Variants in TECPR2 observed in about 807,000 individuals in gnomAD.
The protein encoded by TECPR2 is tectonin beta-propeller repeat containing 2.
Under a neutral mutation model 138.1 loss-of-function variants are expected in TECPR2, and 65 were observed. The observed-to-expected ratio is 0.47, with a 90% CI of 0.39 to 0.58. TECPR2 has a LOEUF of 0.58. Ranked by LOEUF, TECPR2 falls within the 20% of genes least tolerant of loss-of-function variation. The pLI is 0.00. For missense variants in TECPR2, 1,553 were observed against 1,824.5 expected, an observed-to-expected ratio of 0.85 and a Z score of 2.71; for synonymous variants, 746 against 749.8, an observed-to-expected ratio of 0.99 and a Z score of 0.08.
At chr14:102,418,108 AAG>A (rs775219001) in intron 5 of TECPR2, among the ~76,000 whole-genome samples, 2 of 152,102 alleles carry the variant, frequency 1.3e-5, no homozygotes, top group Non-Finnish European at 2.9e-5. Context: ...GGAGTCGCAG[AAG>A]AGAGTTCTGT....
Position 102,498,981 on chromosome 14 carries a change from C to T in TECPR2, c.*724C>T. On this transcript the variant is annotated 3_prime_UTR_variant, in exon 20 of 20. Coordinates refer to ENST00000359520, the MANE Select transcript of TECPR2 (RefSeq NM_014844.5). ...ACACCTCACCACACAACACACCACACCCCACACCGCACTGCACCGCACCGC... is the reference window on the plus strand; with the variant it reads ...ACACCTCACCACACAACACACCACATCCCACACCGCACTGCACCGCACCGC... 1.4e-6 allele frequency: 1 copy of T among 697,876 alleles called. No individual in the cohort carries two copies. Among genetic ancestry groups the T allele is most frequent in the Non-Finnish European group, 2.6e-6 (1 of 382,404 alleles). 43.2% of individuals were successfully genotyped at this position (697,876 alleles called of 1,614,324 possible). A position where few individuals can be genotyped will look rare whatever the true frequency, so the allele number is the denominator to read the frequency against.
intron 17 of TECPR2, among the ~76,000 whole-genome samples, chr14:102,487,783 C>T (rs528431433): frequency 4.4e-4 from 67 of 151,842 alleles, no homozygotes; most frequent in African/African-American, 1.4e-3. Flanking sequence ...CCTCGTGATC[C>T]GCCCACCTCG....
chr14:102,366,876 G>A (rs770201297), intron 1 of TECPR2, among the ~76,000 whole-genome samples: 1 of 152,220 alleles, frequency 6.6e-6, no homozygotes, highest in Non-Finnish European at 1.5e-5. Context: ...ACATATGATA[G>A]AGGAAAGAAG....
At chr14:102,379,618 C>G (rs187522290) in intron 2 of TECPR2, among the ~76,000 whole-genome samples, 3,502 of 146,026 alleles carry the variant, frequency 0.024, 8 homozygotes, top group Middle Eastern at 0.039. Context: ...AAAATCCATG[C>G]ACAGAGGCAC....
intron 16 of TECPR2, among the ~76,000 whole-genome samples, chr14:102,464,273 C>T (rs947023570): frequency 6.6e-6 from 1 of 152,232 alleles, no homozygotes; most frequent in Non-Finnish European, 1.5e-5. Flanking sequence ...TTTAGCCAGA[C>T]TATTATCAAA....
At chr14:102,459,366 T>C (rs1890351123) in intron 16 of TECPR2, among the ~76,000 whole-genome samples, 1 of 152,192 alleles carries the variant, frequency 6.6e-6, no homozygotes, top group African/African-American at 2.4e-5. Context: ...AAGTACAGGA[T>C]GTCATCACAC....
intron 16 of TECPR2, among the ~76,000 whole-genome samples, chr14:102,461,312 C>T (rs1179293957): frequency 6.6e-6 from 1 of 152,122 alleles, no homozygotes; most frequent in Non-Finnish European, 1.5e-5. Context: ...TATCAGGTCA[C>T]AGCATTTAAT....
At chr14:102,370,464 G>A (rs1887471895) in intron 1 of TECPR2, among the ~76,000 whole-genome samples, 1 of 152,182 alleles carries the variant, frequency 6.6e-6, no homozygotes, top group Admixed American at 6.5e-5. Flanking sequence ...GATCTCATGA[G>A]CTAAAGCAGA....
At chr14:102,427,693 C>T (rs543696230) in intron 6 of TECPR2, among the ~76,000 whole-genome samples, 32 of 152,290 alleles carry the variant, frequency 2.1e-4, no homozygotes, top group Non-Finnish European at 2.6e-4. Context: ...GCGCACTGGC[C>T]TCTCCTGCAG....
rs1366641912 is a variant in TECPR2, at chr14:102,499,340, C to G, written c.*1083C>G. On this transcript the variant is annotated 3_prime_UTR_variant, in exon 20 of 20. Transcript: ENST00000359520. ...TTGCCTTTGTTGTTGTATTACAAAT[C>G]TGCATAAAATACCTCATTTCAAATC... 6.6e-6 allele frequency: 4 copies of G among 603,042 alleles called. No homozygotes were observed. In the East Asian group the frequency reaches 1.1e-4, roughly 17 times the overall value. 37.4% of individuals were successfully genotyped at this position (603,042 alleles called of 1,614,324 possible). A position where few individuals can be genotyped will look rare whatever the true frequency, so the allele number is the denominator to read the frequency against.
chr14:102,377,003 G>C lies in TECPR2; in HGVS notation c.219+63G>C, dbSNP rs1444971222. On this transcript the variant is annotated intron_variant, in intron 2 of 19. Coordinates refer to ENST00000359520, the MANE Select transcript of TECPR2 (RefSeq NM_014844.5). ...GCCATAGCTGACGCTTAACATGCTTGTGTTCTAGGATGAGATAATTTACTT... is the reference window on the plus strand; with the variant it reads ...GCCATAGCTGACGCTTAACATGCTTCTGTTCTAGGATGAGATAATTTACTT... The C allele has an allele frequency of 2.0e-6, 3 of 1,520,640 alleles. No homozygotes were observed. The African/African-American group carries it at 4.1e-5, about 21-fold the overall frequency. The allele number at this position is 1,520,640 out of a possible 1,614,324, so 94.2% of individuals were successfully genotyped here.
chr14:102,450,734 G>A, intron 15 of TECPR2, 85 bp downstream of exon 15: 4 of 1,364,868 alleles, frequency 2.9e-6, no homozygotes, highest in South Asian at 2.4e-5. Context: ...CTGTGGCCTT[G>A]TTGGTTATGG....
chr14:102,431,689 G>C (rs1889495858), intron 7 of TECPR2, 107 bp from the exon 8 acceptor site: 2 of 1,133,390 alleles, frequency 1.8e-6, no homozygotes, highest in Admixed American at 4.7e-5. Context: ...TTCTTTAGCT[G>C]GCTGGTGCCT....
chr14:102,377,352 G>A (rs1460178367), intron 2 of TECPR2, among the ~76,000 whole-genome samples: 1 of 152,114 alleles, frequency 6.6e-6, no homozygotes, highest in Non-Finnish European at 1.5e-5. Flanking sequence ...TAGAGACATG[G>A]TTTCACTATG....
intron 16 of TECPR2, among the ~76,000 whole-genome samples, chr14:102,461,683 C>T (rs768571898): frequency 5.9e-5 from 9 of 152,202 alleles, no homozygotes; most frequent in Non-Finnish European, 8.8e-5. Context: ...CATCTGTCCT[C>T]TTCTAGGGCA....
intron 17 of TECPR2, among the ~76,000 whole-genome samples, chr14:102,481,098 T>C (rs1320470408): frequency 6.6e-6 from 1 of 151,092 alleles, no homozygotes; most frequent in African/African-American, 2.4e-5. Context: ...CTACAACCTC[T>C]GCCTCCTGGG....
At chr14:102,368,560 A>G (rs1887408431) in intron 1 of TECPR2, among the ~76,000 whole-genome samples, 1 of 151,662 alleles carries the variant, frequency 6.6e-6, no homozygotes, top group East Asian at 1.9e-4. Flanking sequence ...TATTCTGGGT[A>G]AAATCTCTTT....
At chr14:102,437,567 AAAAG>A (rs971659980) in intron 9 of TECPR2, among the ~76,000 whole-genome samples, 6 of 152,154 alleles carry the variant, frequency 3.9e-5, no homozygotes, top group Admixed American at 3.3e-4. Context: ...AAGGAAAAAA[AAAAG>A]AAAATATGGT....
chr14:102,453,862 AAG>A (rs1890213959), intron 16 of TECPR2, among the ~76,000 whole-genome samples: 5 of 151,864 alleles, frequency 3.3e-5, no homozygotes, highest in Admixed American at 3.3e-4. Context: ...AGAAAGCAAG[AAG>A]AGGGCTGGGC....
Sources: allele counts gnomAD v4.1 joint callset (sites outside exome capture counted in the v4.1 genomes callset), GRCh38; gene constraint gnomAD v4.1.1; transcripts MANE v1.5; gene names NCBI Gene and HGNC (gene_info 2026-07-23, HGNC 2026-07-21).